RPH3A: variants seen among roughly 807,000 people sequenced by gnomAD.
RPH3A encodes the protein rabphilin 3A, also known as rabphilin-3A.
In RPH3A, 48 loss-of-function variants were observed where a neutral mutation model predicts 102.2. The observed-to-expected ratio is 0.47, with a 90% CI of 0.37 to 0.60. The LOEUF is 0.60. Among genes scored for constraint, RPH3A ranks in the 20% least tolerant of loss-of-function variants. The pLI is 0.00. For missense variants in RPH3A, 781 were observed against 910.1 expected (o/e 0.86, Z 1.83); for synonymous variants, 310 against 324.3 (o/e 0.96, Z 0.47).
At position 112,898,068 on chromosome 12, in the gene RPH3A, C is replaced by T. The variant is rs754651344; in HGVS notation, c.*1288C>T. On this transcript the variant is annotated 3_prime_UTR_variant, in exon 22 of 22. Transcript: ENST00000389385. ...AACCCCCTCCAGTCTCTCTGTCTCT[C>T]TTTGTCTGTCTCTCTGTCTCCTGCA... The T allele has an allele frequency of 1.3e-5, 2 of 152,348 alleles. No homozygotes were observed. The highest frequency in any genetic ancestry group is 1.5e-5 in the Non-Finnish European group (1 of 68,122). The allele number at this position is 152,348 out of a possible 1,614,324, so 9.4% of individuals were successfully genotyped here.
rs529944903 is a variant in RPH3A at position 112,716,524 on chromosome 12, C to T, written c.-139-75619C>T. ...GGATGCCTCTGCTATCTTCACGTAT[C>T]GCTTCTGTCTCTGGGTTCAAGGCAT... On this transcript the variant is annotated intron_variant, in intron 1 of 21. Coordinates refer to the RPH3A transcript ENST00000543106. Among the ~76,000 whole-genome samples, 9 of 152,314 alleles carry T rather than the reference C, an allele frequency of 5.9e-5. No individual in the cohort carries two copies. In the South Asian group the frequency reaches 1.9e-3, roughly 32 times the overall value.
At chr12:112,865,612 T>A (rs1437695568) in intron 6 of RPH3A, 69 bp downstream of exon 6, 1 of 1,531,652 alleles carries the variant, frequency 6.5e-7, no homozygotes, top group African/African-American at 1.5e-5. Flanking sequence ...AGGCTCCAGC[T>A]GTAGGGGTCA....
intron 13 of RPH3A, among the ~76,000 whole-genome samples, chr12:112,877,470 T>A (rs1459472453): frequency 7.2e-6 from 1 of 138,028 alleles, no homozygotes; most frequent in Non-Finnish European, 1.5e-5. Flanking sequence ...CAGTGGCATT[T>A]CCCCCCGCTA....
intron 1 of RPH3A, among the ~76,000 whole-genome samples, chr12:112,704,750 T>G (rs2040417495): frequency 6.6e-6 from 1 of 152,184 alleles, no homozygotes; most frequent in African/African-American, 2.4e-5. Flanking sequence ...TTTCAAAAAT[T>G]TATTTGGCTA....
At position 112,651,336 on chromosome 12, in the gene RPH3A, C is replaced by T. The variant is rs534258349; in HGVS notation, c.-140+76017C>T. Among the ~76,000 whole-genome samples, 106 of 151,780 alleles carry T rather than the reference C, an allele frequency of 7.0e-4. 3 individuals are homozygous for T. The South Asian group carries it at 0.022, about 31-fold the overall frequency. ...AGCAGAGATTGCACCATTGCACCACCCCAGCCTGGGCAACACAGTAAGACC... is the reference window on the plus strand; with the variant it reads ...AGCAGAGATTGCACCATTGCACCACTCCAGCCTGGGCAACACAGTAAGACC... On this transcript the variant is annotated intron_variant, in intron 1 of 21. Transcript: ENST00000543106.
upstream of RPH3A, among the ~76,000 whole-genome samples, chr12:112,790,119 C>A (rs997040258): frequency 2.0e-5 from 3 of 151,768 alleles, no homozygotes; most frequent in African/African-American, 7.3e-5. Flanking sequence ...TGTAATGGTG[C>A]AACCTCGGCT....
intron 1 of RPH3A, among the ~76,000 whole-genome samples, chr12:112,631,779 C>G (rs1446835098): frequency 6.6e-6 from 1 of 152,126 alleles, no homozygotes; most frequent in Non-Finnish European, 1.5e-5. Context: ...CTGCCTCAGC[C>G]TTACAAATTG....
intron 1 of RPH3A, among the ~76,000 whole-genome samples, chr12:112,633,974 A>G (rs987744733): frequency 2.0e-5 from 3 of 152,184 alleles, no homozygotes; most frequent in African/African-American, 7.2e-5. Flanking sequence ...CTAAGTCAAG[A>G]TGGGAAGCAA....
chr12:112,729,212 C>T (rs1004324167), intron 1 of RPH3A, among the ~76,000 whole-genome samples: 5 of 151,690 alleles, frequency 3.3e-5, no homozygotes, highest in African/African-American at 1.2e-4. Context: ...AATCATGGCT[C>T]ACTGCAGCCT....
At chr12:112,663,283 C>G (rs1260506034) in intron 1 of RPH3A, among the ~76,000 whole-genome samples, 1 of 152,050 alleles carries the variant, frequency 6.6e-6, no homozygotes, top group Non-Finnish European at 1.5e-5. Context: ...AATCTTGGCT[C>G]ACTGCAGCCT....
intron 1 of RPH3A, among the ~76,000 whole-genome samples, chr12:112,633,632 T>C (rs2039824251): frequency 6.6e-6 from 1 of 152,188 alleles, no homozygotes; most frequent in South Asian, 2.1e-4. Context: ...AACGTTGAAC[T>C]TCTCACTTTC....
chr12:112,880,416 C>T (rs2042888274), intron 14 of RPH3A, among the ~76,000 whole-genome samples: 1 of 152,132 alleles, frequency 6.6e-6, no homozygotes, highest in South Asian at 2.1e-4. Context: ...TTTATAGAAA[C>T]TTCTGAGGTA....
intron 3 of RPH3A, among the ~76,000 whole-genome samples, chr12:112,834,172 G>A (rs2136164818): frequency 6.6e-6 from 1 of 152,008 alleles, no homozygotes; most frequent in South Asian, 2.1e-4. Flanking sequence ...TCACTATTTA[G>A]CAATAAATTT....
intron 1 of RPH3A, among the ~76,000 whole-genome samples, chr12:112,601,618 G>A (rs1340203044): frequency 6.6e-6 from 1 of 152,120 alleles, no homozygotes; most frequent in Non-Finnish European, 1.5e-5. Context: ...CATAAAGTTA[G>A]GGATAAACAT....
At chr12:112,869,665 A>T in intron 8 of RPH3A, 94 bp from the exon 9 acceptor site, 1 of 1,139,424 alleles carries the variant, frequency 8.8e-7, no homozygotes, top group Admixed American at 2.0e-5. Context: ...TTCTTAGGCA[A>T]TAGTCAATGA....
chr12:112,866,935 C>T (rs965740807), intron 7 of RPH3A, 95 bp downstream of exon 7: 2 of 836,044 alleles, frequency 2.4e-6, no homozygotes, highest in Non-Finnish European at 3.9e-6. Context: ...GGACCCAGCT[C>T]AGCAGTGAAC....
chr12:112,708,835 C>T (rs1388549294), intron 1 of RPH3A, among the ~76,000 whole-genome samples: 1 of 152,168 alleles, frequency 6.6e-6, no homozygotes, highest in Non-Finnish European at 1.5e-5. Context: ...GGCAAGTTTT[C>T]TTTTCCTTTG....
intron 1 of RPH3A, among the ~76,000 whole-genome samples, chr12:112,642,030 A>AG (rs766974764): frequency 6.6e-6 from 1 of 152,190 alleles, no homozygotes; most frequent in Non-Finnish European, 1.5e-5. Context: ...TCTTAAGCTC[A>AG]GGGTGTTTGA....
At chr12:112,656,531 A>G (rs981534643) in intron 1 of RPH3A, among the ~76,000 whole-genome samples, 6 of 152,136 alleles carry the variant, frequency 3.9e-5, no homozygotes, top group African/African-American at 9.7e-5. Flanking sequence ...AATAGTGAAC[A>G]TTGTACCCAA....
Sources: allele counts gnomAD v4.1 joint callset (sites outside exome capture counted in the v4.1 genomes callset), GRCh38; gene constraint gnomAD v4.1.1; transcripts MANE v1.5; gene names NCBI Gene and HGNC (gene_info 2026-07-23, HGNC 2026-07-21).